PALM2AKAP2: variants seen among roughly 807,000 people sequenced by gnomAD.
PALM2AKAP2 encodes the protein PALM2-AKAP2 fusion protein.
PALM2AKAP2 carries 37 observed loss-of-function variants against 71.5 expected under a neutral mutation model. That is an observed-to-expected ratio of 0.52 (90% CI 0.40 to 0.68). The LOEUF is 0.68. Among genes scored for constraint, PALM2AKAP2 ranks in the 30% least tolerant of loss-of-function variants. The pLI is 0.00. For missense variants in PALM2AKAP2, 1,224 were observed against 1,191.8 expected (o/e 1.03, Z -0.40); for synonymous variants, 468 against 478.8 (o/e 0.98, Z 0.29).
At chr9:110,068,252 C>T (rs1834127830) in intron 1 of PALM2AKAP2, among the ~76,000 whole-genome samples, 1 of 149,956 alleles carries the variant, frequency 6.7e-6, no homozygotes, top group African/African-American at 2.5e-5. Flanking sequence ...TTTCACTTGG[C>T]TGATTTTGTT....
chr9:109,995,729 G>T (rs934289555), intron 6 of PALM2AKAP2, among the ~76,000 whole-genome samples: 2 of 152,284 alleles, frequency 1.3e-5, no homozygotes, highest in African/African-American at 4.8e-5. Flanking sequence ...CCATGGCGTG[G>T]GCATTATGGG....
Position 110,138,311 on chromosome 9 carries a change from A to G in PALM2AKAP2, c.2341A>G (p.Ser781Gly), listed in dbSNP as rs1156961939. The G allele has an allele frequency of 2.5e-6, 4 of 1,614,128 alleles. No homozygotes were observed. Among genetic ancestry groups the G allele is most frequent in the African/African-American group, 1.3e-5 (1 of 74,940 alleles). The change falls in exon 2 of 4, where the codon AGC becomes GGC. Residue 781 changes from serine to glycine, a missense_variant. Transcript: ENST00000374525. ...GTACTCGGAGGCAGCTGAGCTGAGA[A>G]GCACAGCCTCCCTCCTGGCCACTCA...
rs535329830 is a variant in PALM2AKAP2 at position 110,121,265 on chromosome 9, G to A, written c.157-14862G>A. 3.3e-5 allele frequency among the ~76,000 whole-genome samples: 5 copies of A among 152,300 alleles called. No homozygotes were observed. In the South Asian group the frequency reaches 1.0e-3, roughly 32 times the overall value. ...GTATTCCCATCTGATTCACATGTAA[G>A]GGCAAATTGTTTTAAAGACCTGGCT... On this transcript the variant is annotated intron_variant, in intron 1 of 3. Coordinates refer to ENST00000374525, the Ensembl canonical transcript of PALM2AKAP2.
intron 1 of PALM2AKAP2, among the ~76,000 whole-genome samples, chr9:109,782,787 T>TGA (rs1826855481): frequency 6.6e-6 from 1 of 151,294 alleles, no homozygotes; most frequent in African/African-American, 2.4e-5. Flanking sequence ...TATGTGTGTG[T>TGA]GAGAGAGAGA....
At chr9:109,751,065 C>T (rs1039869682) in intron 1 of PALM2AKAP2, among the ~76,000 whole-genome samples, 1 of 152,164 alleles carries the variant, frequency 6.6e-6, no homozygotes, top group African/African-American at 2.4e-5. Context: ...GTGAGTCTTT[C>T]AAAATATACC....
chr9:110,048,717 C>T, exon 1 of PALM2AKAP2: 2 of 1,547,660 alleles, frequency 1.3e-6, no homozygotes, highest in South Asian at 2.4e-5. Flanking sequence ...GGCCCCAGCC[C>T]GGGGCTGCCG....
chr9:110,077,375 G>A (rs78869688), intron 1 of PALM2AKAP2, among the ~76,000 whole-genome samples: 56 of 152,258 alleles, frequency 3.7e-4, no homozygotes, highest in African/African-American at 1.2e-3. Flanking sequence ...CATTCATTTC[G>A]AGGTTGTACA....
chr9:109,684,711 C>T (rs182163396), intron 1 of PALM2AKAP2, among the ~76,000 whole-genome samples: 71 of 152,296 alleles, frequency 4.7e-4, no homozygotes, highest in African/African-American at 1.7e-3. Context: ...TTGATTATTA[C>T]ATTAAACAGA....
chr9:110,098,896 A>G (rs552723927), intron 1 of PALM2AKAP2, among the ~76,000 whole-genome samples: 118 of 152,380 alleles, frequency 7.7e-4, no homozygotes, highest in Middle Eastern at 3.4e-3. Context: ...TCACTATATG[A>G]AAAGCAGGCC....
At chr9:109,907,411 T>G (rs947094771) in intron 3 of PALM2AKAP2, among the ~76,000 whole-genome samples, 1 of 152,218 alleles carries the variant, frequency 6.6e-6, no homozygotes, top group African/African-American at 2.4e-5. Flanking sequence ...TGTTTTAAGC[T>G]CTGTGATTTC....
chr9:109,906,623 T>C (rs1487007198), intron 3 of PALM2AKAP2, among the ~76,000 whole-genome samples: 1 of 152,240 alleles, frequency 6.6e-6, no homozygotes, highest in Non-Finnish European at 1.5e-5. Flanking sequence ...AAATGGAACC[T>C]TCTTGCTTCC....
chr9:109,853,698 G>A (rs1232111793), intron 1 of PALM2AKAP2, among the ~76,000 whole-genome samples: 1 of 152,202 alleles, frequency 6.6e-6, no homozygotes. Flanking sequence ...GAAAGTGTTT[G>A]CTATTCTATA....
intron 1 of PALM2AKAP2, among the ~76,000 whole-genome samples, chr9:110,113,826 C>A (rs1165108693): frequency 6.6e-6 from 1 of 152,194 alleles, no homozygotes; most frequent in Non-Finnish European, 1.5e-5. Flanking sequence ...AGCCACCATA[C>A]CCGGCCCTGT....
intron 1 of PALM2AKAP2, among the ~76,000 whole-genome samples, chr9:109,657,377 C>G (rs1324849944): frequency 2.6e-5 from 4 of 152,012 alleles, no homozygotes; most frequent in Non-Finnish European, 5.9e-5. Flanking sequence ...AAGAAGGAAG[C>G]TTTGCTTGGG....
chr9:109,916,415 G>T (rs1830693270), intron 3 of PALM2AKAP2, among the ~76,000 whole-genome samples: 1 of 152,238 alleles, frequency 6.6e-6, no homozygotes. Flanking sequence ...GAGAGCATGA[G>T]TGAGCCATTG....
intron 1 of PALM2AKAP2, among the ~76,000 whole-genome samples, chr9:109,661,783 T>C (rs1310315388): frequency 2.6e-5 from 4 of 152,226 alleles, no homozygotes; most frequent in Non-Finnish European, 4.4e-5. Flanking sequence ...AGATATTGAT[T>C]TTTCCTGTCC....
At chr9:109,860,432 G>A (rs767385420) in intron 1 of PALM2AKAP2, among the ~76,000 whole-genome samples, 1 of 152,044 alleles carries the variant, frequency 6.6e-6, no homozygotes, top group African/African-American at 2.4e-5. Flanking sequence ...TTATTTCTTG[G>A]TGTAACCCAG....
At chr9:110,011,014 A>AAAAAATATATATATAT (rs35212981) in intron 6 of PALM2AKAP2, among the ~76,000 whole-genome samples, 2 of 69,584 alleles carry the variant, frequency 2.9e-5, no homozygotes, top group African/African-American at 7.8e-5. Flanking sequence ...AAAAAAAAAA[A>AAAAAATATATATATAT]ATATATATAT....
intron 3 of PALM2AKAP2, among the ~76,000 whole-genome samples, chr9:109,892,629 A>T (rs1830112835): frequency 1.3e-5 from 2 of 152,304 alleles, no homozygotes; most frequent in South Asian, 4.2e-4. Flanking sequence ...AGAAACCATC[A>T]TTTATATCCA....
Sources: gnomAD v4.1 joint callset for allele counts (sites outside exome capture counted in the v4.1 genomes callset) on GRCh38, gnomAD v4.1.1 for gene constraint, MANE v1.5 for transcripts, NCBI Gene and HGNC (gene_info 2026-07-23, HGNC 2026-07-21) for gene names.